Variants in SNCG observed in about 807,000 individuals in gnomAD.
SNCG encodes the protein gamma-synuclein.
Under a neutral mutation model 16.0 loss-of-function variants are expected in SNCG, and 13 were observed. That is an observed-to-expected ratio of 0.81 (90% CI 0.53 to 1.29). The LOEUF (loss-of-function observed/expected upper bound fraction) is 1.29, where lower values mean the gene tolerates loss of function less well. SNCG is among the 50% of genes most tolerant of loss of function. The pLI, the probability that SNCG is intolerant of heterozygous loss-of-function variation, is 0.00. For synonymous variants in SNCG, 66 were observed against 66.3 expected (o/e 1.00, Z 0.02); for missense variants, 154 against 168.5 (o/e 0.91, Z 0.48).
intron 3 of SNCG, among the ~76,000 whole-genome samples, chr10:86,960,589 G>A (rs894510322): frequency 1.3e-5 from 2 of 152,170 alleles, no homozygotes; most frequent in African/African-American, 4.8e-5. Flanking sequence ...CCTCAGGGAA[G>A]TAGCGTCCCC....
intron 3 of SNCG, among the ~76,000 whole-genome samples, chr10:86,962,357 G>A (rs1195568354): frequency 6.6e-6 from 1 of 152,168 alleles, no homozygotes; most frequent in Non-Finnish European, 1.5e-5. Flanking sequence ...CAGAGACTGG[G>A]GACCAGCTTG....
chr10:86,958,501 T>G, upstream of SNCG: 9 of 644,626 alleles, frequency 1.4e-5, no homozygotes, highest in South Asian at 3.7e-5. Context: ...CCTCCTTCCC[T>G]CCCTCCCTCC....
chr10:86,956,638 C>G (rs1485154812), upstream of SNCG, among the ~76,000 whole-genome samples: 2 of 152,236 alleles, frequency 1.3e-5, no homozygotes, highest in Non-Finnish European at 2.9e-5. Flanking sequence ...CTCTCTGAGC[C>G]TCAGGCTCCT....
At chr10:86,956,935 G>T (rs1179193840), upstream of SNCG, among the ~76,000 whole-genome samples, 1 of 152,228 alleles carries the variant, frequency 6.6e-6, no homozygotes, top group Non-Finnish European at 1.5e-5. Flanking sequence ...GCAGGGGGCC[G>T]TCTCTGCTCA....
At chr10:86,961,993 T>C (rs898787465) in intron 3 of SNCG, among the ~76,000 whole-genome samples, 12 of 152,224 alleles carry the variant, frequency 7.9e-5, no homozygotes, top group Non-Finnish European at 1.3e-4. Context: ...GTGCAGGAGA[T>C]AGAAGATGGG....
At position 86,959,226 on chromosome 10, in the gene SNCG, G is replaced by T; in HGVS notation, c.122-407G>T. The T allele has an allele frequency of 2.9e-6, 1 of 349,286 alleles. No homozygotes were observed. Among genetic ancestry groups the T allele is most frequent in the Non-Finnish European group, 5.2e-6 (1 of 191,734 alleles). The allele number at this position is 349,286 out of a possible 1,614,324, so 21.6% of individuals were successfully genotyped here. On this transcript the variant is annotated intron_variant, in intron 1 of 4. Transcript: ENST00000372017. The surrounding 1 kb of genome is among the most constrained non-coding windows in gnomAD (Gnocchi z 4.3). ...CCTCCCCAGAGAGAAGGGGCAGGCT[G>T]GGGGATGAAACCTAGGCTCAGTGTT...
Position 86,962,988 on chromosome 10 carries a change from G to T in SNCG, c.*3G>T. 6.2e-7 allele frequency: 1 copy of T among 1,603,774 alleles called. No homozygotes were observed. Among genetic ancestry groups the T allele is most frequent in the South Asian group, 1.1e-5 (1 of 88,216 alleles). ...AGGCCCAGAGTGGGGGAGACTAGAG[G>T]GCTACAGGCCAGCGTGGATGACCTG... On this transcript the variant is annotated 3_prime_UTR_variant, in exon 5 of 5. Coordinates refer to ENST00000372017, the MANE Select transcript of SNCG (RefSeq NM_003087.3).
chr10:86,958,666 T>C lies in SNCG; in HGVS notation c.-32T>C. The C allele has an allele frequency of 1.2e-6, 2 of 1,613,272 alleles. No individual in the cohort carries two copies. Among genetic ancestry groups the C allele is most frequent in the Non-Finnish European group, 1.7e-6 (2 of 1,179,814 alleles). ...CTCGCAGGGAGATCCAGCTCCGTCC[T>C]GCCTGCAGCAGCACAACCCTGCACA... On this transcript the variant is annotated 5_prime_UTR_variant, in exon 1 of 5. Coordinates refer to ENST00000372017, the MANE Select transcript of SNCG (RefSeq NM_003087.3).
chr10:86,963,160 C>A lies in SNCG; in HGVS notation c.*175C>A, dbSNP rs563368390. ...GTGCTGCTGCACCAACCTCACTGCC[C>A]TCCCTCGGCCCCACCCACCCTCTGG... On this transcript the variant is annotated 3_prime_UTR_variant, in exon 5 of 5. Transcript: ENST00000372017. 4.0e-6 allele frequency: 2 copies of A among 505,976 alleles called. No homozygotes were observed. Among genetic ancestry groups the A allele is most frequent in the Non-Finnish European group, 6.8e-6 (2 of 294,720 alleles). The allele number at this position is 505,976 out of a possible 1,614,324, so 31.3% of individuals were successfully genotyped here. A position where few individuals can be genotyped will look rare whatever the true frequency, so the allele number is the denominator to read the frequency against.
At chr10:86,957,650 G>A (rs1844258500), upstream of SNCG, 2 of 1,425,434 alleles carry the variant, frequency 1.4e-6, no homozygotes, top group Admixed American at 2.3e-5. Context: ...AAAATACGAG[G>A]ACAACAAAGA....
chr10:86,962,121 C>T (rs1035788326), intron 3 of SNCG, among the ~76,000 whole-genome samples: 9 of 152,236 alleles, frequency 5.9e-5, no homozygotes, highest in Non-Finnish European at 1.2e-4. Context: ...TGAAGCAAGC[C>T]TGATCTGATG....
chr10:86,962,404 T>C (rs1293644428), intron 3 of SNCG, among the ~76,000 whole-genome samples, 200 bp from the exon 4 acceptor site: 1 of 152,064 alleles, frequency 6.6e-6, no homozygotes, highest in Non-Finnish European at 1.5e-5. Flanking sequence ...TTGGTGCCCC[T>C]GGAAGGCCTC....
upstream of SNCG, chr10:86,957,777 C>T (rs1282812940): frequency 1.5e-5 from 20 of 1,331,304 alleles, no homozygotes; most frequent in South Asian, 3.3e-4. Flanking sequence ...GAGGACTTGG[C>T]TCAGGGACTC....
At position 86,959,741 on chromosome 10, in the gene SNCG, T is replaced by C; in HGVS notation, c.163+67T>C. 1.4e-6 allele frequency: 2 copies of C among 1,470,758 alleles called. No individual in the cohort carries two copies. Among genetic ancestry groups the C allele is most frequent in the South Asian group, 1.3e-5 (1 of 76,092 alleles). The allele number at this position is 1,470,758 out of a possible 1,614,324, so 91.1% of individuals were successfully genotyped here. A position where few individuals can be genotyped will look rare whatever the true frequency, so the allele number is the denominator to read the frequency against. ...CCCTGGGGCTCCTGCATCCTAGTGC[T>C]GGGGCTCAAACCTAGAGTCCTGCCT... On this transcript the variant is annotated intron_variant, in intron 2 of 4. Coordinates refer to ENST00000372017, the MANE Select transcript of SNCG (RefSeq NM_003087.3). The surrounding 1 kb of genome is among the most constrained non-coding windows in gnomAD (Gnocchi z 4.3).
rs1844386453 is a variant in SNCG, at chr10:86,963,155, C to T, written c.*170C>T. ...CACCTGTGCTGCTGCACCAACCTCA[C>T]TGCCCTCCCTCGGCCCCACCCACCC... is the stretch of plus-strand genomic sequence containing the variant. On this transcript the variant is annotated 3_prime_UTR_variant, in exon 5 of 5. Coordinates refer to ENST00000372017, the MANE Select transcript of SNCG (RefSeq NM_003087.3). The T allele has an allele frequency of 1.9e-6, 1 of 527,632 alleles. No individual in the cohort carries two copies. The highest frequency in any genetic ancestry group is 3.2e-6 in the Non-Finnish European group (1 of 310,662). The allele number at this position is 527,632 out of a possible 1,614,324, so 32.7% of individuals were successfully genotyped here.
At position 86,959,841 on chromosome 10, in the gene SNCG, C is replaced by T; in HGVS notation, c.164-160C>T. Reference sequence around the variant, plus strand: ...CTAAACTAGGGTGGGCGTCTCCTTACCCCCACCAGCATCAGAGGTGCCCTG... The same window carrying T: ...CTAAACTAGGGTGGGCGTCTCCTTATCCCCACCAGCATCAGAGGTGCCCTG... On this transcript the variant is annotated intron_variant, in intron 2 of 4. Coordinates refer to ENST00000372017, the MANE Select transcript of SNCG (RefSeq NM_003087.3). This position sits in a 1 kb window ranked among gnomAD's most constrained non-coding sequence, Gnocchi z 4.3. The T allele has an allele frequency of 7.5e-7, 1 of 1,331,914 alleles. No individual in the cohort carries two copies. 82.5% of individuals were successfully genotyped at this position (1,331,914 alleles called of 1,614,324 possible).
Position 86,959,699 on chromosome 10 carries a change from C to T in SNCG, c.163+25C>T, listed in dbSNP as rs757289035. 12 of 1,591,102 alleles carry T rather than the reference C, an allele frequency of 7.5e-6. No homozygotes were observed. Among genetic ancestry groups the T allele is most frequent in the Non-Finnish European group, 1.0e-5 (12 of 1,167,116 alleles). Reference sequence around the variant, plus strand: ...GGTGAGAAGCCCCAGGGCCAGGGGACACATGGGGGATAGGACCCCTGGGGC... The same window carrying T: ...GGTGAGAAGCCCCAGGGCCAGGGGATACATGGGGGATAGGACCCCTGGGGC... On this transcript the variant is annotated intron_variant, in intron 2 of 4. Coordinates refer to ENST00000372017, the MANE Select transcript of SNCG (RefSeq NM_003087.3). The surrounding 1 kb of genome is among the most constrained non-coding windows in gnomAD (Gnocchi z 4.3).
intron 3 of SNCG, among the ~76,000 whole-genome samples, chr10:86,961,871 C>T (rs1222880529): frequency 6.6e-6 from 1 of 152,248 alleles, no homozygotes; most frequent in African/African-American, 2.4e-5. Flanking sequence ...CCCGCCTCCC[C>T]CCCGTCCCCC....
At chr10:86,958,497 T>TGCCCG, upstream of SNCG, 2 of 1,098,146 alleles carry the variant, frequency 1.8e-6, no homozygotes, top group Non-Finnish European at 2.3e-6. Flanking sequence ...TGAACCTCCT[T>TGCCCG]CCCTCCCTCC....
Sources: gnomAD v4.1 joint callset for allele counts (sites outside exome capture counted in the v4.1 genomes callset) on GRCh38, gnomAD v4.1.1 for gene constraint, Gnocchi (gnomAD v3.1) non-coding constraint, MANE v1.5 for transcripts, NCBI Gene and HGNC (gene_info 2026-07-23, HGNC 2026-07-21) for gene names.